Variants in RGS8 observed in about 807,000 individuals in gnomAD.
RGS8 encodes regulator of G-protein signaling 8.
Under a neutral mutation model 21.7 loss-of-function variants are expected in RGS8, and 8 were observed. That is an observed-to-expected ratio of 0.37 (90% CI 0.22 to 0.66). The LOEUF (loss-of-function observed/expected upper bound fraction) is 0.66, where lower values mean the gene tolerates loss of function less well. RGS8 is among the 30% of genes least tolerant of loss of function. The pLI is 0.59. For synonymous variants in RGS8, 80 were observed against 83.6 expected, an observed-to-expected ratio of 0.96 and a Z score of 0.24; for missense variants, 157 against 217.9, an observed-to-expected ratio of 0.72 and a Z score of 1.76.
the RGS8 span, among the ~76,000 whole-genome samples, chr1:182,715,227 G>A: frequency 6.6e-6 from 1 of 152,158 alleles, no homozygotes; most frequent in Non-Finnish European, 1.5e-5. Context: ...AAAGACCTGG[G>A]TATTTTCTAA....
the RGS8 span, among the ~76,000 whole-genome samples, chr1:182,710,521 T>A: frequency 6.6e-6 from 1 of 152,104 alleles, no homozygotes; most frequent in Non-Finnish European, 1.5e-5. Context: ...GGGTCAGGTG[T>A]CCTGTGTGTT....
At chr1:182,669,569 G>A (rs370473205) in intron 3 of RGS8, 55 bp downstream of exon 4, 3 of 1,613,166 alleles carry the variant, frequency 1.9e-6, no homozygotes, top group Non-Finnish European at 2.5e-6. Flanking sequence ...GGTGTGACAA[G>A]GTGGAGAAAA....
the RGS8 span, among the ~76,000 whole-genome samples, chr1:182,713,717 C>G: frequency 6.6e-6 from 1 of 152,180 alleles, no homozygotes; most frequent in African/African-American, 2.4e-5. Context: ...TGTTTAAATG[C>G]TCAAGCTGTT....
exon 3 of RGS8, chr1:182,669,663 T>C: frequency 6.2e-7 from 1 of 1,614,220 alleles, no homozygotes; most frequent in Non-Finnish European, 8.5e-7. Context: ...GGCATCAGCT[T>C]ACGGTTAACC....
chr1:182,720,589 C>T, the RGS8 span, among the ~76,000 whole-genome samples: 5 of 152,196 alleles, frequency 3.3e-5, no homozygotes, highest in East Asian at 5.8e-4. Flanking sequence ...TTCTCAGCAT[C>T]GTCCCATTAA....
chr1:182,741,099 C>A, the RGS8 span, among the ~76,000 whole-genome samples: 2 of 151,706 alleles, frequency 1.3e-5, no homozygotes, highest in East Asian at 2.0e-4. Flanking sequence ...GGTGGCCGGG[C>A]AGAGGGGCTC....
chr1:182,720,901 A>G, the RGS8 span, among the ~76,000 whole-genome samples: 16 of 35,718 alleles, frequency 4.5e-4, no homozygotes, highest in African/African-American at 1.4e-3. Flanking sequence ...ACATATATAT[A>G]CATATGTGTG....
chr1:182,741,704 G>A, the RGS8 span, among the ~76,000 whole-genome samples: 1 of 110,372 alleles, frequency 9.1e-6, no homozygotes, highest in Non-Finnish European at 2.2e-5. Flanking sequence ...GGGCGGCCGG[G>A]CAGAGGCGCC....
chr1:182,749,531 C>T, the RGS8 span, among the ~76,000 whole-genome samples: 1 of 152,152 alleles, frequency 6.6e-6, no homozygotes, highest in Non-Finnish European at 1.5e-5. Flanking sequence ...AGTGTGACAC[C>T]TCCAGCTTTG....
intron 1 of RGS8, among the ~76,000 whole-genome samples, chr1:182,681,981 C>T (rs1023602411): frequency 6.6e-6 from 1 of 152,174 alleles, no homozygotes. Flanking sequence ...GATGATGATG[C>T]TGATATTTCT....
At chr1:182,742,211 T>C in the RGS8 span, among the ~76,000 whole-genome samples, 33 of 147,006 alleles carry the variant, frequency 2.2e-4, no homozygotes, top group African/African-American at 7.9e-4. Context: ...CCTCACTTCC[T>C]AGATGGGATG....
At chr1:182,647,158 A>C (rs1662741503) in intron 6 of RGS8, among the ~76,000 whole-genome samples, 1 of 152,228 alleles carries the variant, frequency 6.6e-6, no homozygotes, top group Non-Finnish European at 1.5e-5. Context: ...AGAGACTAAA[A>C]AGCTTGTTTA....
chr1:182,694,244 C>T, the RGS8 span, among the ~76,000 whole-genome samples: 28 of 152,214 alleles, frequency 1.8e-4, no homozygotes, highest in Admixed American at 1.2e-3. Flanking sequence ...TTAAATTACA[C>T]CTGTCATGAC....
chr1:182,713,942 A>G, the RGS8 span, among the ~76,000 whole-genome samples: 2 of 152,372 alleles, frequency 1.3e-5, no homozygotes, highest in Non-Finnish European at 2.9e-5. Context: ...CATTATCATG[A>G]TACCAAAGAT....
At chr1:182,726,409 G>A in the RGS8 span, among the ~76,000 whole-genome samples, 2 of 152,238 alleles carry the variant, frequency 1.3e-5, no homozygotes, top group Non-Finnish European at 2.9e-5. Context: ...GGTGGCTCAC[G>A]CCTGTAATCC....
chr1:182,659,138 C>T (rs1663452248), intron 5 of RGS8, among the ~76,000 whole-genome samples: 1 of 152,144 alleles, frequency 6.6e-6, no homozygotes, highest in South Asian at 2.1e-4. Flanking sequence ...AAATGGTGAG[C>T]TCTGAGGTTG....
chr1:182,748,733 G>T, the RGS8 span, among the ~76,000 whole-genome samples: 1 of 152,054 alleles, frequency 6.6e-6, no homozygotes, highest in East Asian at 1.9e-4. Context: ...AGTATATAAG[G>T]GTTCCCTTTT....
At chr1:182,671,884 C>A (rs969612741) in exon 1 of RGS8, 5 of 1,491,288 alleles carry the variant, frequency 3.4e-6, no homozygotes, top group Non-Finnish European at 4.5e-6. Flanking sequence ...AGCGGCCCCA[C>A]TGAAAGCTCT....
chr1:182,706,132 A>C, the RGS8 span, among the ~76,000 whole-genome samples: 2 of 151,634 alleles, frequency 1.3e-5, no homozygotes. Context: ...ATAGGTATGC[A>C]CTACTACGCC....
Sources: gnomAD v4.1 joint callset for allele counts (sites outside exome capture counted in the v4.1 genomes callset) on GRCh38, gnomAD v4.1.1 for gene constraint, MANE v1.5 for transcripts, NCBI Gene and HGNC (gene_info 2026-07-23, HGNC 2026-07-21) for gene names.